LOC128462377: variants seen among roughly 807,000 people sequenced by gnomAD.
chr16:89,367,753 C>T, the LOC128462377 span, among the ~76,000 whole-genome samples: 1 of 152,320 alleles, frequency 6.6e-6, no homozygotes, highest in East Asian at 1.9e-4. Flanking sequence ...CCCCCAGCGG[C>T]TGCATGTCCA....
At chr16:89,368,397 T>G in the LOC128462377 span, among the ~76,000 whole-genome samples, 1 of 142,120 alleles carries the variant, frequency 7.0e-6, no homozygotes, top group Non-Finnish European at 1.5e-5. Flanking sequence ...TTTTTTTTTT[T>G]TTTTTAGTAG....
the LOC128462377 span, among the ~76,000 whole-genome samples, chr16:89,330,823 G>T: frequency 6.6e-6 from 1 of 152,180 alleles, no homozygotes; most frequent in Non-Finnish European, 1.5e-5. Flanking sequence ...GCAGATCAAA[G>T]ATTCTGTGGA....
chr16:89,329,671 C>T, the LOC128462377 span, among the ~76,000 whole-genome samples: 11 of 152,212 alleles, frequency 7.2e-5, no homozygotes, highest in African/African-American at 2.4e-4. Flanking sequence ...CTTTCATAAA[C>T]CTTGTTTTGT....
the LOC128462377 span, chr16:89,360,499 G>C: frequency 6.6e-6 from 1 of 152,130 alleles, no homozygotes; most frequent in Admixed American, 6.5e-5. Context: ...AAATTTAAAA[G>C]ATTAAAAAAC....
At chr16:89,340,337 G>C in the LOC128462377 span, among the ~76,000 whole-genome samples, 1 of 152,230 alleles carries the variant, frequency 6.6e-6, no homozygotes, top group African/African-American at 2.4e-5. Flanking sequence ...AAGTGCAGTG[G>C]CACCATCTCG....
chr16:89,339,486 A>G, the LOC128462377 span, among the ~76,000 whole-genome samples: 1 of 152,252 alleles, frequency 6.6e-6, no homozygotes, highest in Non-Finnish European at 1.5e-5. Context: ...CACGCAGCGC[A>G]TGTGAAGAGT....
the LOC128462377 span, among the ~76,000 whole-genome samples, chr16:89,333,241 A>T: frequency 2.0e-5 from 3 of 152,228 alleles, no homozygotes; most frequent in Non-Finnish European, 4.4e-5. Flanking sequence ...AACATATTTT[A>T]TTTTTTAAAG....
At chr16:89,373,985 G>C in the LOC128462377 span, among the ~76,000 whole-genome samples, 1 of 152,242 alleles carries the variant, frequency 6.6e-6, no homozygotes, top group Non-Finnish European at 1.5e-5. Context: ...CTCCAGAAGG[G>C]TCTGACGACC....
the LOC128462377 span, among the ~76,000 whole-genome samples, chr16:89,351,005 T>G: frequency 1.3e-5 from 2 of 152,208 alleles, no homozygotes; most frequent in African/African-American, 4.8e-5. Flanking sequence ...CACTCTGTGA[T>G]GCTCAGAGGA....
chr16:89,408,972 G>T, the LOC128462377 span, among the ~76,000 whole-genome samples: 19 of 152,194 alleles, frequency 1.2e-4, no homozygotes, highest in African/African-American at 4.6e-4. Flanking sequence ...AAAGTAGGAG[G>T]AATACAGAAA....
At chr16:89,342,715 G>C in the LOC128462377 span, among the ~76,000 whole-genome samples, 23 of 152,214 alleles carry the variant, frequency 1.5e-4, no homozygotes, top group African/African-American at 5.3e-4. Context: ...GGGCCCTACA[G>C]AATTACTTCT....
the LOC128462377 span, among the ~76,000 whole-genome samples, chr16:89,371,734 G>A: frequency 2.6e-5 from 4 of 151,686 alleles, no homozygotes; most frequent in South Asian, 2.1e-4. Context: ...AGGGCGATGC[G>A]GACTCCCTCC....
chr16:89,388,070 T>A, the LOC128462377 span, among the ~76,000 whole-genome samples: 1 of 151,794 alleles, frequency 6.6e-6, no homozygotes, highest in Non-Finnish European at 1.5e-5. Flanking sequence ...AACTTCAGAC[T>A]TACAAAAAAG....
At chr16:89,336,653 G>T in the LOC128462377 span, among the ~76,000 whole-genome samples, 1 of 152,152 alleles carries the variant, frequency 6.6e-6, no homozygotes, top group African/African-American at 2.4e-5. Context: ...CACACCCCCC[G>T]GGTGGGCCAC....
At chr16:89,405,062 C>T in the LOC128462377 span, among the ~76,000 whole-genome samples, 6 of 152,110 alleles carry the variant, frequency 3.9e-5, no homozygotes, top group Non-Finnish European at 5.9e-5. Flanking sequence ...CACAGCCCGA[C>T]GCCCCGTCAC....
the LOC128462377 span, among the ~76,000 whole-genome samples, chr16:89,329,459 C>A: frequency 6.6e-6 from 1 of 152,184 alleles, no homozygotes; most frequent in African/African-American, 2.4e-5. Context: ...GATGAATAGT[C>A]TATACTTTTA....
the LOC128462377 span, among the ~76,000 whole-genome samples, chr16:89,375,436 G>A: frequency 1.1e-4 from 17 of 150,352 alleles, no homozygotes; most frequent in Non-Finnish European, 2.5e-4. Flanking sequence ...CTGCGCTCCC[G>A]CCCAGGCAAC....
chr16:89,344,568 C>T, the LOC128462377 span, among the ~76,000 whole-genome samples: 1 of 152,212 alleles, frequency 6.6e-6, no homozygotes, highest in African/African-American at 2.4e-5. Flanking sequence ...CTGAACGCTG[C>T]CTCAGCGTCT....
At chr16:89,360,230 C>T in the LOC128462377 span, among the ~76,000 whole-genome samples, 1 of 152,218 alleles carries the variant, frequency 6.6e-6, no homozygotes, top group Non-Finnish European at 1.5e-5. Flanking sequence ...CCATAAAAGA[C>T]ATGATCTCGT....
Sources: gnomAD v4.1 joint callset for allele counts (sites outside exome capture counted in the v4.1 genomes callset) on GRCh38, gnomAD v4.1.1 for gene constraint, MANE v1.5 for transcripts.